The following QPRT variants were observed in gnomAD, a reference collection of about 807,000 sequenced individuals.
The protein encoded by QPRT is quinolinate phosphoribosyltransferase.
Under a neutral mutation model 19.8 loss-of-function variants are expected in QPRT, and 17 were observed. That is an observed-to-expected ratio of 0.86 (90% CI 0.59 to 1.29). The LOEUF is 1.29. Ranked by LOEUF, QPRT falls within the 50% of genes most tolerant of loss-of-function variation. The pLI, the probability that QPRT is intolerant of heterozygous loss-of-function variation, is 0.00. For missense variants in QPRT, 336 were observed against 405.1 expected (o/e 0.83, Z 1.46); for synonymous variants, 178 against 191.0 (o/e 0.93, Z 0.56).
chr16:29,685,571 C>T (rs570340952), intron 1 of QPRT, among the ~76,000 whole-genome samples: 4 of 152,290 alleles, frequency 2.6e-5, no homozygotes, highest in African/African-American at 9.6e-5. Context: ...TTACAGGTGA[C>T]AGCCACCGCG....
At chr16:29,683,721 C>T (rs1302842149) in intron 1 of QPRT, among the ~76,000 whole-genome samples, 1 of 152,128 alleles carries the variant, frequency 6.6e-6, no homozygotes, top group African/African-American at 2.4e-5. Flanking sequence ...GCTGGCTCTT[C>T]CCCAACCTGG....
chr16:29,697,554 TC>T lies in QPRT; in HGVS notation c.*145del, dbSNP rs1967588595. 4 of 809,198 alleles carry T rather than the reference TC, an allele frequency of 4.9e-6. No individual in the cohort carries two copies. The highest frequency in any genetic ancestry group is 5.7e-5 in the Admixed American group (2 of 34,822). 50.1% of individuals were successfully genotyped at this position (809,198 alleles called of 1,614,324 possible). On this transcript the variant is annotated 3_prime_UTR_variant, in exon 4 of 4. Transcript: ENST00000395384. The surrounding 1 kb of genome is among the most constrained non-coding windows in gnomAD (Gnocchi z 4.4). ...CAACTCTGGCTCTGCCACCTGCTGC[TC>T]CTGTGACCTGTCAGGGCTGACTTCA...
rs1456297072 is a variant in QPRT at position 29,697,399 on chromosome 16, C to T, written c.882C>T (p.Pro294=). The change falls in exon 4 of 4, where the codon CCC becomes CCT. Residue 294 remains proline (P), a synonymous_variant. Coordinates refer to ENST00000395384, the MANE Select transcript of QPRT (RefSeq NM_014298.6). The surrounding 1 kb of genome is among the most constrained non-coding windows in gnomAD (Gnocchi z 4.4). The part of the protein sequence containing the change: ...KLFAKEVAPV[P]KIH ...TTGCCAAAGAGGTGGCTCCAGTGCC[C>T]AAAATCCACTAGTCCTAAACCGGAA... 1.2e-6 allele frequency: 2 copies of T among 1,612,194 alleles called. No individual in the cohort carries two copies. The highest frequency in any genetic ancestry group is 8.5e-7 in the Non-Finnish European group (1 of 1,179,792).
At chr16:29,679,084 G>T, upstream of QPRT, 2 of 1,592,136 alleles carry the variant, frequency 1.3e-6, no homozygotes, top group Non-Finnish European at 1.7e-6. Context: ...GGGAAGGGCC[G>T]GCTGACAGCT....
intron 1 of QPRT, among the ~76,000 whole-genome samples, chr16:29,679,612 G>C (rs992987212): frequency 2.6e-5 from 4 of 152,120 alleles, no homozygotes; most frequent in Admixed American, 6.6e-5. Flanking sequence ...GCAGCTGGGT[G>C]GGGGAGGGGG....
chr16:29,688,621 G>A (rs1036675119), intron 1 of QPRT, among the ~76,000 whole-genome samples: 1 of 152,048 alleles, frequency 6.6e-6, no homozygotes, highest in African/African-American at 2.4e-5. Flanking sequence ...CTAGGTTCAA[G>A]CAATTCTCGT....
In QPRT at chr16:29,695,078, G is replaced by T; in HGVS notation, c.428G>T (p.Gly143Val). The T allele has an allele frequency of 1.2e-6, 2 of 1,606,114 alleles. No individual in the cohort carries two copies. The highest frequency in any genetic ancestry group is 8.5e-7 in the Non-Finnish European group (1 of 1,178,462). Residue 143 changes from glycine to valine, a missense_variant, in exon 2 of 4, where the codon GGC (glycine) becomes GTC (valine). Physicochemically the swap from Gly to Val is moderately radical, Grantham distance 109. Transcript: ENST00000395384. ...HVAGTRKTTP[G>V]FRLVEKYGLL... ...GCAGGCACGAGGAAGACCACGCCAG[G>T]CTTCCGGCTGGTGGAGAAGTATGGG... is the stretch of plus-strand genomic sequence containing the variant.
intron 1 of QPRT, among the ~76,000 whole-genome samples, chr16:29,692,054 C>T (rs1967355908): frequency 6.6e-6 from 1 of 152,222 alleles, no homozygotes; most frequent in Non-Finnish European, 1.5e-5. Context: ...AAATCAAACA[C>T]CCTCGCTGGC....
At chr16:29,690,026 C>T (rs1967279264) in intron 1 of QPRT, among the ~76,000 whole-genome samples, 1 of 152,184 alleles carries the variant, frequency 6.6e-6, no homozygotes, top group South Asian at 2.1e-4. Flanking sequence ...TGCCCTCCTC[C>T]AAACTTCCGC....
At chr16:29,689,090 T>C (rs185973191) in intron 1 of QPRT, among the ~76,000 whole-genome samples, 15 of 148,060 alleles carry the variant, frequency 1.0e-4, no homozygotes, top group East Asian at 8.1e-4. Context: ...CTTTTGTTTG[T>C]TTTTAAATTT....
upstream of QPRT, chr16:29,679,135 G>C (rs757376753): frequency 1.2e-4 from 199 of 1,613,388 alleles, no homozygotes; most frequent in Non-Finnish European, 1.6e-4. Flanking sequence ...CCCCCAGCCT[G>C]GGGCCTCTGG....
At position 29,694,702 on chromosome 16, in the gene QPRT, C is replaced by T. The variant is rs960821315; in HGVS notation, c.52C>T (p.Leu18=). Residue 18 remains leucine (L), a synonymous_variant, in exon 2 of 4, where the codon CTG becomes TTG. Transcript: ENST00000395384. ...GCTGCCGCCCGTCACCCTGGCAGCC[C>T]TGGTGGACAGCTGGCTCCGAGAGGA... ...LLLPPVTLAA[L]VDSWLREDCP... The T allele has an allele frequency of 6.4e-7, 1 of 1,567,820 alleles. No homozygotes were observed. Among genetic ancestry groups the T allele is most frequent in the African/African-American group, 1.4e-5 (1 of 73,986 alleles).
rs772960109 is a variant in QPRT, at chr16:29,694,907, G to C, written c.257G>C (p.Arg86Thr). 5 of 1,613,820 alleles carry C rather than the reference G, an allele frequency of 3.1e-6. No homozygotes were observed. The highest frequency in any genetic ancestry group is 4.2e-6 in the Non-Finnish European group (5 of 1,179,922). Residue 86 changes from arginine (R) to threonine (T), a missense_variant, in exon 2 of 4, where the codon AGA (arginine) becomes ACA (threonine). Transcript: ENST00000395384. ...GGATCGAAGCTGGTGCCGGTGGCCA[G>C]AGTGGCCGAGGTCCGGGGCCCTGCC... ...PEGSKLVPVARVAEVRGPAHC... is the reference protein window; with the variant it reads ...PEGSKLVPVATVAEVRGPAHC...
chr16:29,682,550 T>G (rs976457660), intron 1 of QPRT, among the ~76,000 whole-genome samples: 6 of 146,590 alleles, frequency 4.1e-5, no homozygotes, highest in Admixed American at 1.4e-4. Flanking sequence ...TTTTTTTGCA[T>G]TTTTTTTTTT....
At chr16:29,692,224 G>C (rs1341721883) in intron 1 of QPRT, among the ~76,000 whole-genome samples, 1 of 151,780 alleles carries the variant, frequency 6.6e-6, no homozygotes, top group Non-Finnish European at 1.5e-5. Context: ...TACCGCGCGA[G>C]GGGCCTTCAC....
At chr16:29,692,953 C>G (rs1008927860) in intron 1 of QPRT, among the ~76,000 whole-genome samples, 2 of 150,346 alleles carry the variant, frequency 1.3e-5, no homozygotes, top group Non-Finnish European at 3.0e-5. Context: ...CCCAGCCACT[C>G]GGGAGGCTGA....
chr16:29,687,158 G>A (rs1967186577), intron 1 of QPRT, among the ~76,000 whole-genome samples: 1 of 152,050 alleles, frequency 6.6e-6, no homozygotes, highest in Non-Finnish European at 1.5e-5. Context: ...AGACACGCCC[G>A]GAGGTTAGAT....
chr16:29,697,369 G>A lies in QPRT; in HGVS notation c.852G>A (p.Lys284=). The A allele has an allele frequency of 1.9e-6, 3 of 1,613,882 alleles. No individual in the cohort carries two copies. Among genetic ancestry groups the A allele is most frequent in the Non-Finnish European group, 1.7e-6 (2 of 1,179,990 alleles). The change falls in exon 4 of 4, where the codon AAG becomes AAA. Residue 284 remains lysine (K), a synonymous_variant. Coordinates refer to ENST00000395384, the MANE Select transcript of QPRT (RefSeq NM_014298.6). This position sits in a 1 kb window ranked among gnomAD's most constrained non-coding sequence, Gnocchi z 4.4. ...QAAPALDFSL[K]LFAKEVAPVP... ...CCCCAGCCCTTGATTTCTCCCTCAA[G>A]CTGTTTGCCAAAGAGGTGGCTCCAG...
At chr16:29,694,125 A>AT (rs922700591) in intron 1 of QPRT, among the ~76,000 whole-genome samples, 31 of 144,568 alleles carry the variant, frequency 2.1e-4, no homozygotes, top group Non-Finnish European at 2.5e-4. Flanking sequence ...CAGAAGTTTA[A>AT]TTTTTTTTTT....
Sources: gnomAD v4.1 joint callset for allele counts (sites outside exome capture counted in the v4.1 genomes callset) on GRCh38, gnomAD v4.1.1 for gene constraint, Gnocchi (gnomAD v3.1) non-coding constraint, MANE v1.5 for transcripts, NCBI Gene and HGNC (gene_info 2026-07-23, HGNC 2026-07-21) for gene names.